ANKRD13C: variants seen among roughly 807,000 people sequenced by gnomAD.
The protein encoded by ANKRD13C is ankyrin repeat domain-containing protein 13C.
A neutral mutation model predicts 65.5 loss-of-function variants in ANKRD13C; 16 were observed. The ratio of observed to expected loss-of-function variants is 0.24; its 90% confidence interval spans 0.17 to 0.37. ANKRD13C has a LOEUF of 0.37. ANKRD13C is among the 10% of genes least tolerant of loss of function. The pLI, the probability that ANKRD13C is intolerant of heterozygous loss-of-function variation, is 1.00. For synonymous variants in ANKRD13C, 235 were observed against 238.7 expected, an observed-to-expected ratio of 0.98 and a Z score of 0.14; for missense variants, 503 against 655.9, an observed-to-expected ratio of 0.77 and a Z score of 2.55.
rs764410851 is a variant in ANKRD13C, at chr1:70,300,840, T to C, written c.845A>G (p.Asn282Ser). ...CQRGDLSFIF[N>S]GDAAPSESFV... ...AGATTCAGAGGGCGCCGCATCCCCATTGAAAATGAAGCTTAGATCCCCTCG... is the reference window on the plus strand; with the variant it reads ...AGATTCAGAGGGCGCCGCATCCCCACTGAAAATGAAGCTTAGATCCCCTCG... Residue 282 changes from asparagine (N) to serine (S), a missense_variant, in exon 7 of 13, where the codon AAT (asparagine) becomes AGT (serine). Around this residue, in one of 2 missense-constraint regions of ANKRD13C, gnomAD observed 300 missense variants for 478.3 expected, o/e 0.63. Coordinates refer to ENST00000370944, the MANE Select transcript of ANKRD13C (RefSeq NM_030816.5). 5 of 1,613,750 alleles carry C rather than the reference T, an allele frequency of 3.1e-6. No individual in the cohort carries two copies. The highest frequency in any genetic ancestry group is 2.2e-5 in the South Asian group (2 of 91,024).
At chr1:70,302,502 G>A (rs1362089935) in intron 6 of ANKRD13C, among the ~76,000 whole-genome samples, 4 of 110,754 alleles carry the variant, frequency 3.6e-5, no homozygotes, top group African/African-American at 4.0e-5. Context: ...CAAGGCGGGC[G>A]GATCACGAGG....
chr1:70,320,719 T>C (rs1056467164), intron 3 of ANKRD13C, among the ~76,000 whole-genome samples: 9 of 152,182 alleles, frequency 5.9e-5, no homozygotes, highest in Non-Finnish European at 1.3e-4. Flanking sequence ...CATCATTTTC[T>C]TATAAGAAAA....
chr1:70,281,407 T>C (rs2101176129), intron 9 of ANKRD13C, among the ~76,000 whole-genome samples: 1 of 146,014 alleles, frequency 6.8e-6, no homozygotes. Context: ...TTTTTTTTTT[T>C]TTTTTTTTTT....
chr1:70,292,585 T>C (rs1031663709), intron 8 of ANKRD13C, 36 bp from the exon 9 acceptor site: 1 of 1,513,246 alleles, frequency 6.6e-7, no homozygotes, highest in African/African-American at 1.4e-5. Context: ...GTAAAATTTT[T>C]AGGTTAAAAA....
chr1:70,270,807 C>A, intron 12 of ANKRD13C, 49 bp downstream of exon 12: 2 of 1,270,264 alleles, frequency 1.6e-6, no homozygotes, highest in Admixed American at 3.9e-5. Flanking sequence ...TAATAAACAG[C>A]TCCATATTCC....
chr1:70,300,150 A>C (rs549769518), intron 7 of ANKRD13C, among the ~76,000 whole-genome samples: 1 of 152,342 alleles, frequency 6.6e-6, no homozygotes, highest in South Asian at 2.1e-4. Context: ...AATACATGGT[A>C]AAGGTCCAGC....
intron 9 of ANKRD13C, among the ~76,000 whole-genome samples, chr1:70,278,899 T>C (rs550443075): frequency 1.3e-5 from 2 of 152,098 alleles, no homozygotes; most frequent in South Asian, 4.2e-4. Flanking sequence ...GGAGATAACG[T>C]ATATAAAAAA....
chr1:70,266,965 T>C (rs1340255227), intron 12 of ANKRD13C, among the ~76,000 whole-genome samples: 1 of 152,248 alleles, frequency 6.6e-6, no homozygotes, highest in Non-Finnish European at 1.5e-5. Flanking sequence ...CTTATGATGT[T>C]GTTGATCTAC....
At chr1:70,286,947 T>C (rs970228278) in intron 9 of ANKRD13C, among the ~76,000 whole-genome samples, 4 of 151,992 alleles carry the variant, frequency 2.6e-5, no homozygotes, top group Non-Finnish European at 5.9e-5. Context: ...ATCGTGCCAC[T>C]GCACTCCAGC....
chr1:70,311,439 C>A (rs1276396039), intron 5 of ANKRD13C, among the ~76,000 whole-genome samples: 2 of 152,110 alleles, frequency 1.3e-5, no homozygotes, highest in African/African-American at 4.8e-5. Context: ...CGCGTGACTG[C>A]ATTCCAGCCT....
At chr1:70,272,964 GGC>G (rs1491269610) in intron 11 of ANKRD13C, among the ~76,000 whole-genome samples, 1 of 151,060 alleles carries the variant, frequency 6.6e-6, no homozygotes, top group Non-Finnish European at 1.5e-5. Flanking sequence ...CTCCAGCCTT[GGC>G]AACAGAGTGA....
chr1:70,309,454 C>G (rs1439315890), intron 5 of ANKRD13C, among the ~76,000 whole-genome samples: 2 of 149,578 alleles, frequency 1.3e-5, no homozygotes, highest in Non-Finnish European at 3.0e-5. Flanking sequence ...CGCGGTGGCT[C>G]AAGCCTGTAA....
At chr1:70,341,433 C>T (rs1181340857) in intron 1 of ANKRD13C, among the ~76,000 whole-genome samples, 3 of 145,472 alleles carry the variant, frequency 2.1e-5, no homozygotes, top group Non-Finnish European at 4.5e-5. Context: ...ACAATCTCGG[C>T]TCACTGCACC....
intron 8 of ANKRD13C, among the ~76,000 whole-genome samples, chr1:70,295,706 C>T (rs60602940): frequency 3.3e-5 from 5 of 151,916 alleles, no homozygotes; most frequent in Non-Finnish European, 1.5e-5. Context: ...TTTAATCTTA[C>T]TCATATGTAT....
chr1:70,325,166 G>C (rs1258119912), intron 2 of ANKRD13C, among the ~76,000 whole-genome samples: 1 of 152,046 alleles, frequency 6.6e-6, no homozygotes, highest in Non-Finnish European at 1.5e-5. Flanking sequence ...CCATTCTACT[G>C]CCTAAAAATA....
chr1:70,313,403 G>T (rs770974613), intron 5 of ANKRD13C, among the ~76,000 whole-genome samples: 1 of 151,868 alleles, frequency 6.6e-6, no homozygotes, highest in African/African-American at 2.4e-5. Flanking sequence ...GACGGCATGT[G>T]CCTGTGGTCC....
At chr1:70,281,149 A>G (rs985507465) in intron 9 of ANKRD13C, among the ~76,000 whole-genome samples, 9 of 152,096 alleles carry the variant, frequency 5.9e-5, no homozygotes, top group Non-Finnish European at 1.5e-5. Flanking sequence ...GGTAGGCAAA[A>G]GCACTATAGA....
intron 5 of ANKRD13C, among the ~76,000 whole-genome samples, chr1:70,308,605 G>A (rs1010239961): frequency 1.3e-5 from 2 of 151,810 alleles, no homozygotes; most frequent in African/African-American, 2.4e-5. Flanking sequence ...CAGGTGTGGT[G>A]GCGGGCGCCT....
intron 6 of ANKRD13C, 144 bp from the exon 7 acceptor site, chr1:70,301,052 T>A: frequency 1.2e-5 from 9 of 723,672 alleles, no homozygotes; most frequent in Middle Eastern, 4.2e-4. Flanking sequence ...AAAAACAAAT[T>A]TATAGATAAA....
Sources: allele counts gnomAD v4.1 joint callset (sites outside exome capture counted in the v4.1 genomes callset), GRCh38; gene constraint gnomAD v4.1.1; regional missense constraint gnomAD v4.1.1; transcripts MANE v1.5; gene names NCBI Gene and HGNC (gene_info 2026-07-23, HGNC 2026-07-21).